The following KCNQ5 variants were observed in gnomAD, a reference collection of about 807,000 sequenced individuals.
KCNQ5 encodes the protein potassium voltage-gated channel subfamily KQT member 5.
KCNQ5 carries 30 observed loss-of-function variants against 98.2 expected under a neutral mutation model. That is an observed-to-expected ratio of 0.31 (90% CI 0.23 to 0.41). The LOEUF is 0.41. Among genes scored for constraint, KCNQ5 ranks in the 10% least tolerant of loss-of-function variants. KCNQ5 has a pLI of 1.00. For missense variants in KCNQ5, 835 were observed against 1,182.5 expected, an observed-to-expected ratio of 0.71 and a Z score of 4.31; for synonymous variants, 458 against 449.4, an observed-to-expected ratio of 1.02 and a Z score of -0.24.
rs779561823 is a variant in KCNQ5 at position 72,969,444 on chromosome 6, A to C, written c.399-34464A>C. 1.2e-4 allele frequency among the ~76,000 whole-genome samples: 18 copies of C among 152,176 alleles called. 1 individual carries two copies. The highest frequency in any genetic ancestry group is 2.5e-4 in the Non-Finnish European group (17 of 68,024). On this transcript the variant is annotated intron_variant, in intron 1 of 13. Transcript: ENST00000370398. ...CAATAATGGCAATTTCATATGGTTG[A>C]ACCTAATGGTTTGTCTCAGTCATTA...
chr6:72,704,712 A>C (rs1033918109), intron 1 of KCNQ5, among the ~76,000 whole-genome samples: 12 of 152,092 alleles, frequency 7.9e-5, no homozygotes, highest in African/African-American at 2.9e-4. Flanking sequence ...AAAACATGGA[A>C]TGTTACTATC....
intron 5 of KCNQ5, among the ~76,000 whole-genome samples, chr6:73,086,270 A>ATCCCACCTTCTCCTTGTCTATAAT (rs1773984734): frequency 6.6e-6 from 1 of 151,884 alleles, no homozygotes; most frequent in Non-Finnish European, 1.5e-5. Flanking sequence ...CCCACACATG[A>ATCCCACCTTCTCCTTGTCTATAAT]TCCCACCTTC....
At chr6:73,095,083 A>G (rs1386201841) in intron 5 of KCNQ5, among the ~76,000 whole-genome samples, 2 of 152,196 alleles carry the variant, frequency 1.3e-5, no homozygotes, top group African/African-American at 4.8e-5. Flanking sequence ...GTCATCTAAC[A>G]TAATCCCAGA....
chr6:73,140,494 A>C lies in KCNQ5; in HGVS notation c.1468+6853A>C, dbSNP rs532887255. ...TGTTGACAGAAATAATTCTTGTTAA[A>C]GCAGTATCCTATTAGGGCTTCCACT... On this transcript the variant is annotated intron_variant, in intron 10 of 13. Transcript: ENST00000370398. Among the ~76,000 whole-genome samples, 23 of 152,366 alleles carry C rather than the reference A, an allele frequency of 1.5e-4. No individual in the cohort carries two copies. In the South Asian group the frequency reaches 4.3e-3, roughly 29 times the overall value.
chr6:72,868,573 A>G (rs1778082906), intron 1 of KCNQ5, among the ~76,000 whole-genome samples: 1 of 152,226 alleles, frequency 6.6e-6, no homozygotes, highest in African/African-American at 2.4e-5. Context: ...GGAGACTGCC[A>G]TATTGCATTC....
chr6:73,159,723 T>C (rs1188950287), intron 10 of KCNQ5, among the ~76,000 whole-genome samples: 1 of 152,236 alleles, frequency 6.6e-6, no homozygotes, highest in Non-Finnish European at 1.5e-5. Context: ...TAGTCTTTCC[T>C]GACTGACTTA....
intron 1 of KCNQ5, among the ~76,000 whole-genome samples, chr6:72,844,280 TA>T (rs1239885085): frequency 2.0e-5 from 3 of 152,176 alleles, no homozygotes; most frequent in Admixed American, 6.5e-5. Flanking sequence ...GTTATAGATG[TA>T]AAAAAGCTTT....
chr6:72,644,472 G>C (rs368255484), intron 1 of KCNQ5, among the ~76,000 whole-genome samples: 1 of 152,066 alleles, frequency 6.6e-6, no homozygotes, highest in Non-Finnish European at 1.5e-5. Flanking sequence ...ATTTTTGGCT[G>C]GTCTGCACAT....
At chr6:72,789,536 A>G (rs1773924456) in intron 1 of KCNQ5, among the ~76,000 whole-genome samples, 1 of 152,242 alleles carries the variant, frequency 6.6e-6, no homozygotes, top group Admixed American at 6.5e-5. Flanking sequence ...TAATTTAAAT[A>G]TAACTTATAT....
chr6:73,093,662 G>A (rs780293864), intron 5 of KCNQ5, among the ~76,000 whole-genome samples: 1 of 151,902 alleles, frequency 6.6e-6, no homozygotes, highest in Non-Finnish European at 1.5e-5. Context: ...TTCATTTTTG[G>A]CCCAATGATC....
At chr6:72,761,470 C>T (rs2982750) in intron 1 of KCNQ5, among the ~76,000 whole-genome samples, 102,808 of 151,550 alleles carry the variant, frequency 0.68, 39,515 homozygotes, top group East Asian at 0.94. Flanking sequence ...TCTAATAATG[C>T]GTTTTCTAAA....
At chr6:73,110,397 G>A (rs1775194111) in intron 6 of KCNQ5, among the ~76,000 whole-genome samples, 1 of 152,144 alleles carries the variant, frequency 6.6e-6, no homozygotes, top group Admixed American at 6.5e-5. Context: ...AATGTTAGTA[G>A]ACCAGAGCAA....
intron 5 of KCNQ5, among the ~76,000 whole-genome samples, chr6:73,090,095 A>G (rs1774172628): frequency 7.6e-6 from 1 of 130,754 alleles, no homozygotes; most frequent in South Asian, 3.1e-4. Flanking sequence ...CTTTTTTATT[A>G]TGGCCATTTT....
rs1355736089 is a variant in KCNQ5, at chr6:73,198,803, T to C, written c.*3389T>C. 1 of 152,256 alleles carries C rather than the reference T, an allele frequency of 6.6e-6. No individual in the cohort carries two copies. Among genetic ancestry groups the C allele is most frequent in the East Asian group, 1.9e-4 (1 of 5,206 alleles). The allele number at this position is 152,256 out of a possible 1,614,324, so 9.4% of individuals were successfully genotyped here. A position where few individuals can be genotyped will look rare whatever the true frequency, so the allele number is the denominator to read the frequency against. ...AAGTGTAATTTCCTTTGCTCTCTTT[T>C]ACTGGGATTATTTGTTTTAAAGTAA... is the stretch of plus-strand genomic sequence containing the variant. On this transcript the variant is annotated 3_prime_UTR_variant, in exon 14 of 14. Transcript: ENST00000370398.
intron 1 of KCNQ5, among the ~76,000 whole-genome samples, chr6:72,922,406 G>GT (rs899975236): frequency 1.3e-5 from 2 of 151,528 alleles, no homozygotes; most frequent in African/African-American, 4.9e-5. Flanking sequence ...ACCTCATATT[G>GT]TTTTTTTGTA....
chr6:72,626,738 C>CTATCGACTATATGCTGTGGATCATA (rs2098918163), intron 1 of KCNQ5, among the ~76,000 whole-genome samples: 2 of 152,140 alleles, frequency 1.3e-5, no homozygotes, highest in Admixed American at 1.3e-4. Context: ...TGTCTGTTGA[C>CTATCGACTATATGCTGTGGATCATA]TATCGACTAT....
chr6:73,115,423 C>T (rs1486327305), intron 7 of KCNQ5, among the ~76,000 whole-genome samples: 2 of 151,918 alleles, frequency 1.3e-5, no homozygotes, highest in Non-Finnish European at 2.9e-5. Flanking sequence ...CAGGAGTGGC[C>T]ACAGTAGAAG....
intron 3 of KCNQ5, among the ~76,000 whole-genome samples, chr6:73,054,442 CAA>C (rs964604537): frequency 2.0e-5 from 3 of 152,116 alleles, no homozygotes; most frequent in African/African-American, 7.2e-5. Flanking sequence ...CAAAAATTCT[CAA>C]TAAAATCCTA....
At chr6:73,045,727 G>A (rs9351964) in intron 3 of KCNQ5, among the ~76,000 whole-genome samples, 148,152 of 152,302 alleles carry the variant, frequency 0.97, 72,173 homozygotes, top group Middle Eastern at 1. Flanking sequence ...TGAAACTTGG[G>A]TCACAATAAT....
Sources: gnomAD v4.1 joint callset for allele counts (sites outside exome capture counted in the v4.1 genomes callset) on GRCh38, gnomAD v4.1.1 for gene constraint, MANE v1.5 for transcripts, NCBI Gene and HGNC (gene_info 2026-07-23, HGNC 2026-07-21) for gene names.